DAGLB: variants seen among roughly 807,000 people sequenced by gnomAD.
The protein encoded by DAGLB is diacylglycerol lipase-beta.
DAGLB carries 66 observed loss-of-function variants against 72.1 expected under a neutral mutation model. The ratio of observed to expected loss-of-function variants is 0.92; its 90% CI spans 0.75 to 1.12. The LOEUF (loss-of-function observed/expected upper bound fraction) is 1.12. DAGLB is among the 50% of genes most tolerant of loss of function. The pLI is 0.00. For missense variants in DAGLB, 1,065 were observed against 884.9 expected, an observed-to-expected ratio of 1.20 and a Z score of -2.58; for synonymous variants, 414 against 359.5, an observed-to-expected ratio of 1.15 and a Z score of -1.71.
At chr7:6,439,145 C>T (rs972622400) in intron 2 of DAGLB, among the ~76,000 whole-genome samples, 6 of 151,894 alleles carry the variant, frequency 4.0e-5, no homozygotes, top group Non-Finnish European at 8.8e-5. Flanking sequence ...GTCCCAGCTA[C>T]TCAGGAAGCT....
chr7:6,443,249 T>TAAAAAA (rs60124255), intron 2 of DAGLB, among the ~76,000 whole-genome samples: 13 of 78,152 alleles, frequency 1.7e-4, no homozygotes, highest in East Asian at 6.0e-4. Context: ...TTGTCTCTAC[T>TAAAAAA]AAAAAAAAAA....
intron 5 of DAGLB, 121 bp from the exon 6 acceptor site, chr7:6,430,728 C>T: frequency 8.6e-7 from 1 of 1,158,804 alleles, no homozygotes; most frequent in Non-Finnish European, 1.1e-6. Flanking sequence ...TTGAATAGAA[C>T]TCTCAGACGC....
intron 1 of DAGLB, 39 bp from the exon 2 acceptor site, chr7:6,446,143 C>G (rs758830841): frequency 1.9e-6 from 3 of 1,575,942 alleles, no homozygotes; most frequent in East Asian, 4.5e-5. Flanking sequence ...GAAATGAAAT[C>G]CAAGGAGCTG....
intron 6 of DAGLB, among the ~76,000 whole-genome samples, chr7:6,426,732 C>T (rs1025800910): frequency 1.3e-5 from 2 of 152,152 alleles, no homozygotes; most frequent in Non-Finnish European, 2.9e-5. Context: ...GCAAACCTGT[C>T]CAAATGAACA....
intron 6 of DAGLB, among the ~76,000 whole-genome samples, chr7:6,427,330 G>A (rs2115267426): frequency 6.6e-6 from 1 of 152,196 alleles, no homozygotes; most frequent in East Asian, 1.9e-4. Flanking sequence ...GAAGCAAAGA[G>A]AAACTCTGTG....
At chr7:6,425,810 C>T (rs2272157) in intron 7 of DAGLB, among the ~76,000 whole-genome samples, 178 bp downstream of exon 7, 25,254 of 152,244 alleles carry the variant, frequency 0.17, 2,494 homozygotes, top group East Asian at 0.23. Flanking sequence ...TGAACCTGCA[C>T]CAGGGCATCT....
At chr7:6,421,977 C>T (rs2115257714) in intron 8 of DAGLB, 173 bp from the exon 9 acceptor site, 1 of 741,638 alleles carries the variant, frequency 1.3e-6, no homozygotes, top group Non-Finnish European at 2.3e-6. Flanking sequence ...GCGGTGGCTC[C>T]TGAGGGCCCT....
At chr7:6,435,093 C>T in intron 3 of DAGLB, 73 bp from the exon 4 acceptor site, 1 of 1,571,336 alleles carries the variant, frequency 6.4e-7, no homozygotes, top group East Asian at 2.2e-5. Flanking sequence ...GGGGTCCCTC[C>T]TCCAGGTTCA....
At chr7:6,443,240 T>G in intron 2 of DAGLB, among the ~76,000 whole-genome samples, 1 of 120,430 alleles carries the variant, frequency 8.3e-6, no homozygotes, top group Non-Finnish European at 1.6e-5. Flanking sequence ...CAAAAAACTT[T>G]GTCTCTACTA....
rs1261786345 is a variant in DAGLB at position 6,447,942 on chromosome 7, C to T, written c.-100G>A. ...ACGCCGCCACCAAATTATCGGCGCT[C>T]AAGCGCAAACGCAGCGAGGGCGGGG... On this transcript the variant is annotated 5_prime_UTR_variant, in exon 1 of 15. Transcript: ENST00000297056. The T allele has an allele frequency of 2.4e-5, 35 of 1,459,090 alleles. No individual in the cohort carries two copies. The highest frequency in any genetic ancestry group is 3.2e-5 in the Non-Finnish European group (35 of 1,108,730). 90.4% of individuals were successfully genotyped at this position (1,459,090 alleles called of 1,614,324 possible). A position where few individuals can be genotyped will look rare whatever the true frequency, so the allele number is the denominator to read the frequency against.
intron 2 of DAGLB, among the ~76,000 whole-genome samples, chr7:6,443,728 T>C (rs1562490396): frequency 6.6e-6 from 1 of 152,144 alleles, no homozygotes; most frequent in Non-Finnish European, 1.5e-5. Flanking sequence ...ATATCTGATA[T>C]GCATACCTCG....
At chr7:6,418,314 A>G (rs1783985124) in intron 9 of DAGLB, among the ~76,000 whole-genome samples, 1 of 152,110 alleles carries the variant, frequency 6.6e-6, no homozygotes, top group Non-Finnish European at 1.5e-5. Flanking sequence ...GGTTACAGTG[A>G]ACTATGATTG....
chr7:6,412,786 C>T (rs368123392), intron 13 of DAGLB, 25 bp downstream of exon 13: 109 of 1,566,322 alleles, frequency 7.0e-5, no homozygotes, highest in Non-Finnish European at 9.0e-5. Flanking sequence ...GTCCTGCTGA[C>T]CCTCTCAACA....
At chr7:6,425,444 G>T (rs11977783) in intron 7 of DAGLB, among the ~76,000 whole-genome samples, 6,292 of 152,192 alleles carry the variant, frequency 0.041, 443 homozygotes, top group African/African-American at 0.14. Flanking sequence ...GCTAATTTTT[G>T]TATTTTTAGT....
At chr7:6,413,094 C>G in intron 11 of DAGLB, 60 bp from the exon 12 acceptor site, 4 of 1,555,234 alleles carry the variant, frequency 2.6e-6, no homozygotes, top group Non-Finnish European at 3.5e-6. Flanking sequence ...ACAAGGGCTT[C>G]CATGAAAGAA....
rs1783788232 is a variant in DAGLB, at chr7:6,413,143, T to A, written c.1428-109A>T. 4 of 1,139,638 alleles carry A rather than the reference T, an allele frequency of 3.5e-6. No homozygotes were observed. The South Asian group carries it at 4.4e-5, about 12-fold the overall frequency. 70.6% of individuals were successfully genotyped at this position (1,139,638 alleles called of 1,614,324 possible). On this transcript the variant is annotated intron_variant, in intron 11 of 14. Coordinates refer to ENST00000297056, the MANE Select transcript of DAGLB (RefSeq NM_139179.4). Reference sequence around the variant, plus strand: ...AGGGGTTAGGTTCCCAGGCCTCAGCTCTGTTCTCTCTTCTCTAAAGGGAGG... The same window carrying A: ...AGGGGTTAGGTTCCCAGGCCTCAGCACTGTTCTCTCTTCTCTAAAGGGAGG...
Position 6,416,836 on chromosome 7 carries a change from C to T in DAGLB, c.1299+5G>A, listed in dbSNP as rs1337383064. Reference sequence around the variant, plus strand: ...CAAGGAAAGAAACGTTAACTAAGATCTCACAGGAGCAATGCTGAAGGCTTG... The same window carrying T: ...CAAGGAAAGAAACGTTAACTAAGATTTCACAGGAGCAATGCTGAAGGCTTG... On this transcript the variant is annotated splice_donor_5th_base_variant and intron_variant, in intron 10 of 14. Coordinates refer to ENST00000297056, the MANE Select transcript of DAGLB (RefSeq NM_139179.4). 3.7e-6 allele frequency: 6 copies of T among 1,614,212 alleles called. No homozygotes were observed. The South Asian group carries it at 6.6e-5, about 18-fold the overall frequency.
chr7:6,430,773 A>G (rs1784461507), intron 5 of DAGLB, among the ~76,000 whole-genome samples, 166 bp from the exon 6 acceptor site: 1 of 151,212 alleles, frequency 6.6e-6, no homozygotes, highest in South Asian at 2.1e-4. Flanking sequence ...TAAGGATGAC[A>G]TGGACTCCTC....
chr7:6,421,961 A>G (rs1438134950), intron 8 of DAGLB, 157 bp from the exon 9 acceptor site: 3 of 828,446 alleles, frequency 3.6e-6, no homozygotes, highest in Admixed American at 2.0e-5. Flanking sequence ...TAAAGAGGGA[A>G]ACCCAGCGGT....
Sources: allele counts gnomAD v4.1 joint callset (sites outside exome capture counted in the v4.1 genomes callset), GRCh38; gene constraint gnomAD v4.1.1; transcripts MANE v1.5; gene names NCBI Gene and HGNC (gene_info 2026-07-23, HGNC 2026-07-21).